Variants in SMIM31 observed in about 807,000 individuals in gnomAD.
SMIM31 encodes human epithelial cell program regulator.
chr4:164,773,976 A>C (rs376753607), intron 2 of SMIM31, among the ~76,000 whole-genome samples: 7 of 151,866 alleles, frequency 4.6e-5, no homozygotes, highest in African/African-American at 1.5e-4. Flanking sequence ...ACCATCCTGG[A>C]TAACATGGTG....
chr4:164,788,478 C>CTTTTTCT (rs1733056135), intron 2 of SMIM31, among the ~76,000 whole-genome samples: 1 of 58,162 alleles, frequency 1.7e-5, no homozygotes, highest in African/African-American at 7.2e-5. Context: ...TCTAATTTTT[C>CTTTTTCT]TTTTTTTTTT....
intron 2 of SMIM31, among the ~76,000 whole-genome samples, chr4:164,777,452 A>G (rs1168233743): frequency 2.0e-5 from 3 of 152,224 alleles, no homozygotes; most frequent in African/African-American, 7.2e-5. Flanking sequence ...AGAGATTAGT[A>G]TAACAGTCTC....
Position 164,765,578 on chromosome 4 carries a change from G to T in SMIM31, c.-25-4841G>T, listed in dbSNP as rs74802355. Among the ~76,000 whole-genome samples, 694 of 148,702 alleles carry T rather than the reference G, an allele frequency of 4.7e-3. 3 individuals are homozygous for T. The highest frequency in any genetic ancestry group is 0.012 in the African/African-American group (482 of 40,236). On this transcript the variant is annotated intron_variant, in intron 1 of 2. Transcript: ENST00000507311. ...TAGATAAGCATTCAATGCAGCAGGT[G>T]AGTCTTGTTCAGAATTTTTAAAGAA...
At chr4:164,758,448 A>G (rs1234782123) in intron 1 of SMIM31, among the ~76,000 whole-genome samples, 1 of 152,130 alleles carries the variant, frequency 6.6e-6, no homozygotes, top group African/African-American at 2.4e-5. Context: ...TTCGGGGCAA[A>G]GGATTCAATA....
chr4:164,763,964 A>G (rs1314606686), intron 1 of SMIM31, among the ~76,000 whole-genome samples: 1 of 152,230 alleles, frequency 6.6e-6, no homozygotes, highest in African/African-American at 2.4e-5. Flanking sequence ...AACGGTAGAT[A>G]GGAAGTGCTA....
At chr4:164,773,351 T>C (rs1379795628) in intron 2 of SMIM31, among the ~76,000 whole-genome samples, 1 of 152,236 alleles carries the variant, frequency 6.6e-6, no homozygotes, top group Non-Finnish European at 1.5e-5. Flanking sequence ...GTTCTCATGC[T>C]GCTAATAAGA....
At position 164,801,436 on chromosome 4, in the gene SMIM31, C is replaced by T. The variant is rs1459820514; in HGVS notation, c.*242C>T. Reference sequence around the variant, plus strand: ...ACCATTCTAGCTGCAATTGATTATACAAAAAAAAAAAGACCAAAGTGGTTA... The same window carrying T: ...ACCATTCTAGCTGCAATTGATTATATAAAAAAAAAAAGACCAAAGTGGTTA... On this transcript the variant is annotated 3_prime_UTR_variant, in exon 3 of 3. Coordinates refer to ENST00000507311, the MANE Select transcript of SMIM31 (RefSeq NM_001352885.1). 5 of 239,004 alleles carry T rather than the reference C, an allele frequency of 2.1e-5. No individual in the cohort carries two copies. Among genetic ancestry groups the T allele is most frequent in the Non-Finnish European group, 3.0e-5 (4 of 131,192 alleles). 14.8% of individuals were successfully genotyped at this position (239,004 alleles called of 1,614,324 possible). A position where few individuals can be genotyped will look rare whatever the true frequency, so the allele number is the denominator to read the frequency against.
At chr4:164,788,078 T>C (rs374968725) in intron 2 of SMIM31, among the ~76,000 whole-genome samples, 32 of 152,316 alleles carry the variant, frequency 2.1e-4, no homozygotes, top group African/African-American at 7.7e-4. Context: ...CAGAAATGTT[T>C]CTCAGATGTA....
chr4:164,778,839 C>A (rs1315675565), intron 2 of SMIM31, among the ~76,000 whole-genome samples: 2 of 152,118 alleles, frequency 1.3e-5, no homozygotes, highest in Admixed American at 1.3e-4. Flanking sequence ...GCCAAGTTAA[C>A]CCTCATATCT....
At chr4:164,758,622 C>CTTTTTTTTTTTTTTTTTTTTTTTTTTTTT (rs779023276) in intron 1 of SMIM31, among the ~76,000 whole-genome samples, 1 of 105,388 alleles carries the variant, frequency 9.5e-6, no homozygotes. Flanking sequence ...TGTAGTTTTC[C>CTTTTTTTTTTTTTTTTTTTTTTTTTTTTT]TTTTTTTGTT....
intron 2 of SMIM31, among the ~76,000 whole-genome samples, chr4:164,798,860 G>A (rs6839546): frequency 0.68 from 103,944 of 151,878 alleles, 36,582 homozygotes; most frequent in Non-Finnish European, 0.79. Context: ...CATCCCCTCG[G>A]TGCTGTCCTT....
At chr4:164,788,478 CTTTTTTTTT>C (rs72177805) in intron 2 of SMIM31, among the ~76,000 whole-genome samples, 29 of 58,188 alleles carry the variant, frequency 5.0e-4, no homozygotes, top group African/African-American at 6.5e-4. Context: ...TCTAATTTTT[CTTTTTTTTT>C]TTTTTTTTTT....
intron 2 of SMIM31, among the ~76,000 whole-genome samples, chr4:164,785,240 A>G (rs537461420): frequency 1.1e-5 from 1 of 90,624 alleles, no homozygotes; most frequent in Non-Finnish European, 2.2e-5. Context: ...TAAATAAATA[A>G]AAAATAAAAA....
intron 1 of SMIM31, among the ~76,000 whole-genome samples, chr4:164,765,730 G>T (rs1200304259): frequency 1.3e-5 from 2 of 152,090 alleles, no homozygotes; most frequent in African/African-American, 4.8e-5. Flanking sequence ...GAAGGCAAGG[G>T]GGGAGTGGGC....
At chr4:164,765,624 GAAAAAAA>G (rs200574845) in intron 1 of SMIM31, among the ~76,000 whole-genome samples, 1 of 94,478 alleles carries the variant, frequency 1.1e-5, no homozygotes, top group Non-Finnish European at 2.4e-5. Context: ...CTTTGTCTCA[GAAAAAAA>G]AAAAAAAAAA....
At chr4:164,760,311 A>G (rs1732629160) in intron 1 of SMIM31, among the ~76,000 whole-genome samples, 1 of 152,214 alleles carries the variant, frequency 6.6e-6, no homozygotes, top group African/African-American at 2.4e-5. Flanking sequence ...AAGGGTAGAA[A>G]GAAAAGCAAA....
chr4:164,787,158 A>C (rs1482703874), intron 2 of SMIM31: 1 of 152,222 alleles, frequency 6.6e-6, no homozygotes, highest in Non-Finnish European at 1.5e-5. Flanking sequence ...TCTTAAAACT[A>C]CTTAACAATG....
intron 2 of SMIM31, among the ~76,000 whole-genome samples, chr4:164,770,787 A>G (rs1395449044): frequency 6.6e-6 from 1 of 151,496 alleles, no homozygotes; most frequent in Non-Finnish European, 1.5e-5. Flanking sequence ...ATTTAAAAAA[A>G]TTCTGTAGAA....
At chr4:164,763,488 A>G (rs1732678338) in intron 1 of SMIM31, among the ~76,000 whole-genome samples, 1 of 152,214 alleles carries the variant, frequency 6.6e-6, no homozygotes, top group Non-Finnish European at 1.5e-5. Context: ...AAATTAAAGA[A>G]AAAAACTTTT....
Sources: gnomAD v4.1 joint callset for allele counts (sites outside exome capture counted in the v4.1 genomes callset) on GRCh38, gnomAD v4.1.1 for gene constraint, MANE v1.5 for transcripts, NCBI Gene and HGNC (gene_info 2026-07-23, HGNC 2026-07-21) for gene names.